Variants in MCC observed in about 807,000 individuals in gnomAD.
The protein encoded by MCC is MCC regulator of Wnt signaling pathway.
Under a neutral mutation model 116.2 loss-of-function variants are expected in MCC, and 90 were observed. The observed-to-expected ratio is 0.77, with a 90% CI of 0.65 to 0.92. MCC has a LOEUF of 0.92. MCC is among the 40% of genes least tolerant of loss of function. The pLI is 0.00. For synonymous variants in MCC, 578 were observed against 510.5 expected, an observed-to-expected ratio of 1.13 and a Z score of -1.78; for missense variants, 1,516 against 1,312.2, an observed-to-expected ratio of 1.16 and a Z score of -2.40.
intron 14 of MCC, among the ~76,000 whole-genome samples, chr5:113,061,073 AGAGT>A (rs1302854311): frequency 6.6e-6 from 1 of 152,218 alleles, no homozygotes; most frequent in African/African-American, 2.4e-5. Context: ...ACTAGTTCAA[AGAGT>A]GAGAGCTAGG....
In MCC at chr5:113,448,566, A is replaced by G. The variant is rs187104650; in HGVS notation, c.170+39679T>C. Among the ~76,000 whole-genome samples the G allele has an allele frequency of 3.3e-5, 5 of 152,298 alleles. No homozygotes were observed. The East Asian group carries it at 9.6e-4, about 29-fold the overall frequency. On this transcript the variant is annotated intron_variant, in intron 1 of 18. Coordinates refer to ENST00000408903, the MANE Select transcript of MCC (RefSeq NM_001085377.2). ...AGAATGACAGCTGCAGATACCAATG[A>G]TCCCTGAAGTTTTTCATTTTTCAGA...
At chr5:113,314,397 T>A in intron 3 of MCC, among the ~76,000 whole-genome samples, 1 of 152,204 alleles carries the variant, frequency 6.6e-6, no homozygotes, top group East Asian at 1.9e-4. Context: ...GGTCCTGAGT[T>A]GTTCAAAATT....
chr5:113,317,288 A>T (rs1040554012), intron 3 of MCC, among the ~76,000 whole-genome samples: 1 of 152,192 alleles, frequency 6.6e-6, no homozygotes, highest in African/African-American at 2.4e-5. Flanking sequence ...ACTATATTCA[A>T]ACATCTCCTT....
At chr5:113,179,338 A>T (rs990494922) in intron 3 of MCC, among the ~76,000 whole-genome samples, 1 of 152,194 alleles carries the variant, frequency 6.6e-6, no homozygotes, top group African/African-American at 2.4e-5. Context: ...ATCCATTTGC[A>T]GCCTAGCACA....
intron 3 of MCC, among the ~76,000 whole-genome samples, chr5:113,276,164 C>G (rs1449548779): frequency 1.3e-5 from 2 of 152,032 alleles, no homozygotes; most frequent in East Asian, 3.9e-4. Flanking sequence ...TCCTCCTTGC[C>G]CCACACGCCT....
At chr5:113,077,237 G>C (rs1325347842) in intron 11 of MCC, among the ~76,000 whole-genome samples, 1 of 152,114 alleles carries the variant, frequency 6.6e-6, no homozygotes, top group Non-Finnish European at 1.5e-5. Context: ...GTCAACATTA[G>C]ACAGATCAAT....
intron 3 of MCC, among the ~76,000 whole-genome samples, chr5:113,271,691 G>C (rs920621834): frequency 6.6e-6 from 1 of 152,168 alleles, no homozygotes; most frequent in African/African-American, 2.4e-5. Flanking sequence ...AGTTTTAAGA[G>C]GTAATTAGGC....
chr5:113,291,227 T>A (rs1766482914), intron 3 of MCC, among the ~76,000 whole-genome samples: 1 of 152,182 alleles, frequency 6.6e-6, no homozygotes, highest in Admixed American at 6.5e-5. Context: ...CTAGGTCTCC[T>A]AATTGTGTAT....
chr5:113,100,129 T>C (rs1222024050), intron 8 of MCC, among the ~76,000 whole-genome samples: 1 of 152,110 alleles, frequency 6.6e-6, no homozygotes, highest in African/African-American at 2.4e-5. Flanking sequence ...TGCACGTGAG[T>C]TAAGACAAAA....
At chr5:113,132,356 A>G (rs915470281) in intron 5 of MCC, among the ~76,000 whole-genome samples, 3 of 141,664 alleles carry the variant, frequency 2.1e-5, no homozygotes, top group African/African-American at 8.0e-5. Context: ...AGAAAAGTGC[A>G]TATGTGTGTG....
chr5:113,391,897 T>A (rs940278155), intron 1 of MCC, among the ~76,000 whole-genome samples: 13 of 152,190 alleles, frequency 8.5e-5, no homozygotes, highest in Non-Finnish European at 1.8e-4. Flanking sequence ...TGTCACAAAC[T>A]CTTCTGTACA....
intron 1 of MCC, among the ~76,000 whole-genome samples, chr5:113,389,972 A>G (rs1276723975): frequency 6.6e-6 from 1 of 152,196 alleles, no homozygotes; most frequent in Non-Finnish European, 1.5e-5. Context: ...ACAGCAGGAC[A>G]TTTCTCTGCC....
intron 11 of MCC, 117 bp downstream of exon 11, chr5:113,082,743 G>A (rs1307226154): frequency 7.9e-7 from 1 of 1,270,658 alleles, no homozygotes; most frequent in South Asian, 1.5e-5. Flanking sequence ...CCACCAGCCT[G>A]ACGGTACTGC....
intron 3 of MCC, among the ~76,000 whole-genome samples, chr5:113,284,150 T>C (rs1394786200): frequency 1.3e-5 from 2 of 152,232 alleles, no homozygotes; most frequent in African/African-American, 4.8e-5. Flanking sequence ...TCTAAAGTTA[T>C]GCACAGCCTG....
chr5:113,194,796 T>A (rs1762318339), intron 3 of MCC, among the ~76,000 whole-genome samples: 1 of 152,202 alleles, frequency 6.6e-6, no homozygotes, highest in Non-Finnish European at 1.5e-5. Context: ...TTGAATTCCT[T>A]CATCTATATA....
At chr5:113,123,981 G>T (rs1270065866) in intron 5 of MCC, among the ~76,000 whole-genome samples, 3 of 152,188 alleles carry the variant, frequency 2.0e-5, no homozygotes, top group African/African-American at 7.2e-5. Flanking sequence ...AGGGAGGCAA[G>T]CGGGAGACAC....
intron 3 of MCC, among the ~76,000 whole-genome samples, chr5:113,330,436 A>C (rs1767671461): frequency 6.6e-6 from 1 of 152,260 alleles, no homozygotes; most frequent in African/African-American, 2.4e-5. Context: ...GCAAAGATAG[A>C]AAACCTTACT....
At chr5:113,224,536 T>C (rs897908702) in intron 3 of MCC, among the ~76,000 whole-genome samples, 17 of 152,218 alleles carry the variant, frequency 1.1e-4, no homozygotes, top group Admixed American at 2.6e-4. Context: ...AATGGTGGCA[T>C]AACCACTGAA....
chr5:113,069,740 CCTGG>C (rs1425631289), intron 12 of MCC, among the ~76,000 whole-genome samples: 1 of 152,170 alleles, frequency 6.6e-6, no homozygotes, highest in Non-Finnish European at 1.5e-5. Context: ...CACCACCATG[CCTGG>C]CTAACTTTTT....
Sources: gnomAD v4.1 joint callset for allele counts (sites outside exome capture counted in the v4.1 genomes callset) on GRCh38, gnomAD v4.1.1 for gene constraint, MANE v1.5 for transcripts, NCBI Gene and HGNC (gene_info 2026-07-23, HGNC 2026-07-21) for gene names.